Variants in NCAM2 observed in about 807,000 individuals in gnomAD.
NCAM2 encodes N-CAM-2.
NCAM2 carries 30 observed loss-of-function variants against 98.1 expected under a neutral mutation model. The ratio of observed to expected loss-of-function variants is 0.31; its 90% CI spans 0.23 to 0.41. The LOEUF is 0.41. Among genes scored for constraint, NCAM2 ranks in the 10% least tolerant of loss-of-function variants. The probability of loss-of-function intolerance (pLI) is 1.00; values close to 1 mark genes in which losing one functional copy is unlikely to be tolerated. For missense variants in NCAM2, 867 were observed against 1,005.8 expected, an observed-to-expected ratio of 0.86 and a Z score of 1.87; for synonymous variants, 368 against 342.4, an observed-to-expected ratio of 1.07 and a Z score of -0.83.
At chr21:21,115,658 C>A (rs991531079) in intron 1 of NCAM2, among the ~76,000 whole-genome samples, 1 of 152,096 alleles carries the variant, frequency 6.6e-6, no homozygotes, top group African/African-American at 2.4e-5. Flanking sequence ...AAAATAACTT[C>A]CTGGTAGCTA....
intron 1 of NCAM2, among the ~76,000 whole-genome samples, chr21:21,221,184 C>G (rs2070134423): frequency 1.3e-5 from 2 of 152,218 alleles, no homozygotes; most frequent in East Asian, 3.9e-4. Flanking sequence ...CCTACTGTTT[C>G]ATTCATTGGC....
intron 1 of NCAM2, among the ~76,000 whole-genome samples, chr21:21,268,495 T>A (rs993292980): frequency 2.0e-5 from 3 of 152,128 alleles, no homozygotes; most frequent in Non-Finnish European, 4.4e-5. Context: ...TCACGCTGTT[T>A]TCTCTCTCTC....
At chr21:21,257,384 A>G (rs1454127402) in intron 1 of NCAM2, among the ~76,000 whole-genome samples, 2 of 152,186 alleles carry the variant, frequency 1.3e-5, no homozygotes, top group South Asian at 2.1e-4. Context: ...CAAAAGCTTC[A>G]GGAACCCTTG....
chr21:21,331,534 T>TATATATATATATATAC (rs1388107613), intron 6 of NCAM2, among the ~76,000 whole-genome samples: 13 of 10,914 alleles, frequency 1.2e-3, no homozygotes, highest in Non-Finnish European at 1.4e-3. Context: ...TATATATATA[T>TATATATATATATATAC]ACTCTATATA....
Position 21,543,294 on chromosome 21 carries a change from A to G in NCAM2, c.*5337A>G, listed in dbSNP as rs1569151748. The G allele has an allele frequency of 6.6e-6, 1 of 151,882 alleles. No homozygotes were observed. Among genetic ancestry groups the G allele is most frequent in the Non-Finnish European group, 1.5e-5 (1 of 67,894 alleles). The allele number at this position is 151,882 out of a possible 1,614,324, so 9.4% of individuals were successfully genotyped here. ...TATATCAAACTTGTCACACTTCACC[A>G]TTTGTATATTAATAGTAAAGATACT... On this transcript the variant is annotated 3_prime_UTR_variant, in exon 18 of 18. Coordinates refer to ENST00000400546, the MANE Select transcript of NCAM2 (RefSeq NM_004540.5).
chr21:21,333,519 A>G (rs115304407), intron 6 of NCAM2, among the ~76,000 whole-genome samples: 2 of 152,194 alleles, frequency 1.3e-5, no homozygotes, highest in African/African-American at 2.4e-5. Context: ...CTAATTTGCT[A>G]TACATCAAAC....
At chr21:21,032,550 G>T (rs2064707289) in intron 1 of NCAM2, among the ~76,000 whole-genome samples, 1 of 152,090 alleles carries the variant, frequency 6.6e-6, no homozygotes, top group Non-Finnish European at 1.5e-5. Context: ...AGTTTGAAAA[G>T]AAAAATATGT....
intron 1 of NCAM2, among the ~76,000 whole-genome samples, chr21:21,166,158 A>G (rs1158345738): frequency 6.6e-6 from 1 of 152,242 alleles, no homozygotes; most frequent in Non-Finnish European, 1.5e-5. Context: ...TGTTTAGTAC[A>G]TTATAACCTG....
chr21:21,103,380 C>A (rs934049295), intron 1 of NCAM2, among the ~76,000 whole-genome samples: 78 of 151,912 alleles, frequency 5.1e-4, no homozygotes, highest in African/African-American at 1.8e-3. Context: ...GAATGGTCAT[C>A]AAACAAACAC....
intron 15 of NCAM2, among the ~76,000 whole-genome samples, chr21:21,504,678 A>G (rs1987860977): frequency 6.6e-6 from 1 of 151,872 alleles, no homozygotes; most frequent in Non-Finnish European, 1.5e-5. Context: ...GATATGAGAA[A>G]GTATAAGCAT....
chr21:21,377,263 A>G (rs768949199), intron 9 of NCAM2, among the ~76,000 whole-genome samples: 11 of 151,776 alleles, frequency 7.2e-5, no homozygotes, highest in Non-Finnish European at 1.3e-4. Context: ...CTAAATCTAT[A>G]ATAATCATCA....
chr21:21,519,750 A>G (rs1988912202), intron 16 of NCAM2, among the ~76,000 whole-genome samples: 1 of 152,118 alleles, frequency 6.6e-6, no homozygotes. Context: ...TGTAGTGTTC[A>G]AGTTTGAAAA....
intron 1 of NCAM2, among the ~76,000 whole-genome samples, chr21:21,052,747 A>C (rs182939972): frequency 7.4e-4 from 112 of 152,308 alleles, no homozygotes; most frequent in Non-Finnish European, 1.3e-3. Flanking sequence ...GACTAAATTT[A>C]GGCTCCATCT....
At chr21:21,364,735 A>G (rs548299641) in intron 8 of NCAM2, among the ~76,000 whole-genome samples, 14 of 152,208 alleles carry the variant, frequency 9.2e-5, no homozygotes, top group African/African-American at 2.9e-4. Context: ...TAAAATTAAT[A>G]CTTTGAATAA....
intron 1 of NCAM2, among the ~76,000 whole-genome samples, chr21:21,248,906 G>A (rs184499373): frequency 3.1e-4 from 47 of 150,602 alleles, no homozygotes; most frequent in Non-Finnish European, 4.0e-4. Context: ...TTGAATAATG[G>A]CATTTAACCT....
intron 9 of NCAM2, among the ~76,000 whole-genome samples, chr21:21,401,274 G>A (rs182880545): frequency 1.3e-4 from 15 of 114,854 alleles, no homozygotes; most frequent in Non-Finnish European, 2.3e-4. Context: ...TAACAGTGTG[G>A]AATGTTTAAA....
chr21:21,210,215 G>A (rs2069596468), intron 1 of NCAM2, among the ~76,000 whole-genome samples: 1 of 152,184 alleles, frequency 6.6e-6, no homozygotes, highest in Non-Finnish European at 1.5e-5. Flanking sequence ...TGGCAAGACT[G>A]TATCCATTGC....
intron 5 of NCAM2, among the ~76,000 whole-genome samples, chr21:21,322,768 G>C (rs1274378815): frequency 6.6e-6 from 1 of 152,038 alleles, no homozygotes; most frequent in Non-Finnish European, 1.5e-5. Flanking sequence ...GGAAAGACTT[G>C]GAAGACTCAG....
chr21:21,437,483 T>TGTGTGTGTGTGTGTGTGC (rs1978549886), intron 12 of NCAM2, among the ~76,000 whole-genome samples: 2 of 151,736 alleles, frequency 1.3e-5, no homozygotes, highest in African/African-American at 4.8e-5. Flanking sequence ...TCTGTGTGTG[T>TGTGTGTGTGTGTGTGTGC]GTGTGTGTGT....
Sources: allele counts gnomAD v4.1 joint callset (sites outside exome capture counted in the v4.1 genomes callset), GRCh38; gene constraint gnomAD v4.1.1; transcripts MANE v1.5; gene names NCBI Gene and HGNC (gene_info 2026-07-23, HGNC 2026-07-21).